The following ERBB4 variants were observed in gnomAD, a reference collection of about 807,000 sequenced individuals.
The protein encoded by ERBB4 is receptor tyrosine-protein kinase erbB-4.
In ERBB4, 42 loss-of-function variants were observed where a neutral mutation model predicts 158.0. The observed-to-expected ratio is 0.27, with a 90% CI of 0.21 to 0.34. The LOEUF is 0.34. ERBB4 is among the 10% of genes least tolerant of loss of function. The pLI is 1.00. For synonymous variants in ERBB4, 583 were observed against 558.7 expected (o/e 1.04, Z -0.61); for missense variants, 1,333 against 1,624.1 (o/e 0.82, Z 3.08).
At chr2:212,360,927 T>C (rs2089664337) in intron 1 of ERBB4, among the ~76,000 whole-genome samples, 1 of 151,750 alleles carries the variant, frequency 6.6e-6, no homozygotes, top group South Asian at 2.1e-4. Context: ...CTGTCAGATA[T>C]GATACAGTCC....
intron 1 of ERBB4, among the ~76,000 whole-genome samples, chr2:212,415,910 C>T (rs556548874): frequency 6.6e-6 from 1 of 152,170 alleles, no homozygotes; most frequent in East Asian, 1.9e-4. Context: ...TGATATCATT[C>T]ATGGGTCCAG....
intron 1 of ERBB4, among the ~76,000 whole-genome samples, chr2:212,211,229 T>C (rs1245589105): frequency 6.6e-6 from 1 of 152,112 alleles, no homozygotes; most frequent in Non-Finnish European, 1.5e-5. Context: ...TGCTTCTCAG[T>C]CTTTACCTGA....
At chr2:212,238,249 T>C (rs1402468853) in intron 1 of ERBB4, among the ~76,000 whole-genome samples, 1 of 152,226 alleles carries the variant, frequency 6.6e-6, no homozygotes, top group Admixed American at 6.5e-5. Context: ...TTGCGAAGAC[T>C]GTAGGAAAAG....
At chr2:212,518,312 A>C (rs1352276698) in intron 1 of ERBB4, among the ~76,000 whole-genome samples, 2 of 152,016 alleles carry the variant, frequency 1.3e-5, no homozygotes, top group East Asian at 1.9e-4. Context: ...CAATCATGAG[A>C]GTAATTAGTT....
intron 12 of ERBB4, 117 bp from the exon 13 acceptor site, chr2:211,679,301 C>T (rs929694958): frequency 1.8e-6 from 2 of 1,100,566 alleles, no homozygotes; most frequent in South Asian, 1.4e-5. Flanking sequence ...TGGCAAATGA[C>T]TTTGGTGGCC....
chr2:211,385,932 A>G (rs2062675351), intron 27 of ERBB4, among the ~76,000 whole-genome samples: 1 of 152,212 alleles, frequency 6.6e-6, no homozygotes, highest in African/African-American at 2.4e-5. Context: ...TTTTATATGT[A>G]TAGAAGTTTT....
At chr2:212,116,592 C>A (rs2125552385) in intron 2 of ERBB4, among the ~76,000 whole-genome samples, 1 of 152,226 alleles carries the variant, frequency 6.6e-6, no homozygotes, top group Middle Eastern at 3.4e-3. Flanking sequence ...GGATTACAGG[C>A]ATGTGCCGCC....
intron 2 of ERBB4, among the ~76,000 whole-genome samples, chr2:211,973,975 CAAG>C (rs778443458): frequency 3.3e-5 from 5 of 152,250 alleles, no homozygotes; most frequent in Non-Finnish European, 5.9e-5. Flanking sequence ...CAAACTAACA[CAAG>C]AACAGAAAAC....
intron 1 of ERBB4, among the ~76,000 whole-genome samples, chr2:212,486,396 C>T (rs963436803): frequency 5.3e-5 from 8 of 151,954 alleles, no homozygotes; most frequent in African/African-American, 1.4e-4. Flanking sequence ...TCAAATAAGG[C>T]GGGGGAGGTG....
intron 1 of ERBB4, among the ~76,000 whole-genome samples, chr2:212,256,573 T>C (rs1158803802): frequency 1.3e-5 from 2 of 152,182 alleles, no homozygotes; most frequent in Non-Finnish European, 2.9e-5. Flanking sequence ...TTATTAAGGA[T>C]CTGCACATAT....
At chr2:212,025,320 G>A (rs747883903) in intron 2 of ERBB4, among the ~76,000 whole-genome samples, 8 of 151,692 alleles carry the variant, frequency 5.3e-5, no homozygotes, top group Admixed American at 2.6e-4. Context: ...TAGTATCACC[G>A]AAATTCATTT....
chr2:212,336,739 T>C (rs952202958), intron 1 of ERBB4, among the ~76,000 whole-genome samples: 2 of 152,080 alleles, frequency 1.3e-5, no homozygotes, highest in African/African-American at 4.8e-5. Context: ...AACAACATTT[T>C]AGTGGACTCA....
rs146828677 is a variant in ERBB4, at chr2:211,446,084, A to G, written c.2488-14984T>C. Among the ~76,000 whole-genome samples, 732 of 152,304 alleles carry G rather than the reference A, an allele frequency of 4.8e-3. 1 individual carries two copies. Among genetic ancestry groups the G allele is most frequent in the Middle Eastern group, 0.034 (10 of 294 alleles). On this transcript the variant is annotated intron_variant, in intron 20 of 27. Transcript: ENST00000342788. ...TATTTTTCTTGGTAAATTGCGAAGC[A>G]CTAACATAAGTTGAGGATGAGAGGA...
intron 4 of ERBB4, among the ~76,000 whole-genome samples, chr2:211,785,531 C>T (rs1051812675): frequency 1.3e-5 from 2 of 152,100 alleles, no homozygotes; most frequent in African/African-American, 4.8e-5. Context: ...ATATTTTCTG[C>T]CAAGACTTTT....
At chr2:211,838,042 C>A (rs919734768) in intron 3 of ERBB4, among the ~76,000 whole-genome samples, 6 of 151,964 alleles carry the variant, frequency 3.9e-5, no homozygotes, top group African/African-American at 9.7e-5. Context: ...GTGAATTACA[C>A]AGTGCTATTT....
At chr2:212,399,169 C>G (rs911039275) in intron 1 of ERBB4, among the ~76,000 whole-genome samples, 5 of 151,988 alleles carry the variant, frequency 3.3e-5, no homozygotes, top group African/African-American at 1.2e-4. Context: ...TCTCAAACTT[C>G]TGACCTCAAA....
chr2:212,365,144 T>A (rs1254935041), intron 1 of ERBB4, among the ~76,000 whole-genome samples: 1 of 151,644 alleles, frequency 6.6e-6, no homozygotes, highest in African/African-American at 2.4e-5. Context: ...ACTAAAATCC[T>A]TTCTTTTAGG....
intron 25 of ERBB4, among the ~76,000 whole-genome samples, chr2:211,408,759 C>A (rs1479379814): frequency 6.6e-6 from 1 of 152,168 alleles, no homozygotes; most frequent in Non-Finnish European, 1.5e-5. Flanking sequence ...AACCAAGTTA[C>A]TGAGTTATTT....
intron 2 of ERBB4, among the ~76,000 whole-genome samples, chr2:212,094,767 T>A (rs2078878683): frequency 6.6e-6 from 1 of 152,138 alleles, no homozygotes; most frequent in Admixed American, 6.5e-5. Context: ...TTTTTCTTGA[T>A]AAATTATACA....
Sources: gnomAD v4.1 joint callset for allele counts (sites outside exome capture counted in the v4.1 genomes callset) on GRCh38, gnomAD v4.1.1 for gene constraint, MANE v1.5 for transcripts, NCBI Gene and HGNC (gene_info 2026-07-23, HGNC 2026-07-21) for gene names.